CIT: variants seen among roughly 807,000 people sequenced by gnomAD.
CIT encodes citron rho-interacting serine/threonine kinase, also known as citron Rho-interacting kinase.
In CIT, 79 loss-of-function variants were observed where a neutral mutation model predicts 272.7. That is an observed-to-expected ratio of 0.29 (90% CI 0.24 to 0.35). The LOEUF (loss-of-function observed/expected upper bound fraction) is 0.35, where lower values mean the gene tolerates loss of function less well. Among genes scored for constraint, CIT ranks in the 10% least tolerant of loss-of-function variants. The pLI is 1.00. For synonymous variants in CIT, 948 were observed against 995.6 expected (o/e 0.95, Z 0.90); for missense variants, 1,909 against 2,618.3 (o/e 0.73, Z 5.91).
At chr12:119,845,547 G>C (rs538768215) in intron 5 of CIT, among the ~76,000 whole-genome samples, 3 of 151,510 alleles carry the variant, frequency 2.0e-5, no homozygotes, top group African/African-American at 7.3e-5. Context: ...CAGCTACTCA[G>C]GAGGCTGAGG....
At chr12:119,709,458 T>C (rs1957042177) in intron 39 of CIT, among the ~76,000 whole-genome samples, 1 of 152,054 alleles carries the variant, frequency 6.6e-6, no homozygotes, top group Non-Finnish European at 1.5e-5. Context: ...AAAACTGCTC[T>C]AAAGAATAAA....
At chr12:119,785,470 C>T (rs1964696480) in intron 10 of CIT, among the ~76,000 whole-genome samples, 1 of 152,110 alleles carries the variant, frequency 6.6e-6, no homozygotes, top group African/African-American at 2.4e-5. Context: ...CCTCTAGAAG[C>T]TGGAAAAGAC....
intron 10 of CIT, among the ~76,000 whole-genome samples, chr12:119,796,631 G>C (rs1240792261): frequency 6.6e-6 from 1 of 152,144 alleles, no homozygotes; most frequent in African/African-American, 2.4e-5. Context: ...AAAACATCCT[G>C]GTGATGAGGA....
intron 19 of CIT, among the ~76,000 whole-genome samples, chr12:119,764,811 T>G (rs1962221021): frequency 6.6e-6 from 1 of 152,044 alleles, no homozygotes; most frequent in Admixed American, 6.5e-5. Context: ...TTCTTTTTTA[T>G]TTTTTTCTTT....
intron 22 of CIT, among the ~76,000 whole-genome samples, chr12:119,755,399 T>C (rs1960813828): frequency 6.6e-6 from 1 of 152,224 alleles, no homozygotes; most frequent in African/African-American, 2.4e-5. Context: ...AATAAAGACA[T>C]GCATAAACAT....
intron 3 of CIT, among the ~76,000 whole-genome samples, chr12:119,862,807 C>CAAAAAAAAAAAAAAAAAAAAAAAAAA: frequency 7.2e-5 from 1 of 13,980 alleles, no homozygotes; most frequent in Non-Finnish European, 1.1e-4. Context: ...AAGACTCTAC[C>CAAAAAAAAAAAAAAAAAAAAAAAAAA]TAAAAAAAAA....
intron 17 of CIT, among the ~76,000 whole-genome samples, 161 bp from the exon 18 acceptor site, chr12:119,771,071 G>A (rs530166474): frequency 6.6e-6 from 1 of 152,302 alleles, no homozygotes; most frequent in African/African-American, 2.4e-5. Flanking sequence ...CTATAATCTA[G>A]GTACTCAGTT....
chr12:119,734,471 C>A (rs556926612), intron 25 of CIT, 114 bp from the exon 26 acceptor site: 15 of 1,154,000 alleles, frequency 1.3e-5, no homozygotes, highest in East Asian at 1.0e-4. Context: ...GTTTGAAATG[C>A]GGTTTGTCTT....
intron 7 of CIT, among the ~76,000 whole-genome samples, chr12:119,826,565 T>C (rs568964661): frequency 6.6e-6 from 1 of 152,294 alleles, no homozygotes; most frequent in Non-Finnish European, 1.5e-5. Context: ...CAAAATTATT[T>C]TGACGTTTTA....
At chr12:119,701,235 G>A (rs1195824437) in intron 43 of CIT, among the ~76,000 whole-genome samples, 2 of 93,772 alleles carry the variant, frequency 2.1e-5, no homozygotes, top group Non-Finnish European at 4.1e-5. Context: ...GGAGGGGATG[G>A]GGAGGGGGAG....
At chr12:119,858,517 CAAA>C (rs796452295) in intron 3 of CIT, among the ~76,000 whole-genome samples, 1 of 122,456 alleles carries the variant, frequency 8.2e-6, no homozygotes, top group African/African-American at 3.0e-5. Context: ...ACTCTGTCTC[CAAA>C]AAAAAAAAAA....
chr12:119,712,568 G>T lies in CIT; in HGVS notation c.4684+23C>A, dbSNP rs761164391. 3.1e-6 allele frequency: 5 copies of T among 1,608,808 alleles called. No homozygotes were observed. The highest frequency in any genetic ancestry group is 1.1e-5 in the South Asian group (1 of 90,954). On this transcript the variant is annotated intron_variant, in intron 36 of 47. Coordinates refer to ENST00000392521, the MANE Select transcript of CIT (RefSeq NM_001206999.2). This position sits in a 1 kb window ranked among gnomAD's most constrained non-coding sequence, Gnocchi z 5.2. The stretch of plus-strand genomic sequence containing the variant: ...CCAAGCCCGGCCCACCTCCAGGGCG[G>T]GGCTCCTCCGGCTCCTCCTCACCTG...
In CIT at chr12:119,803,307, T is replaced by G; in HGVS notation, c.1194A>C (p.Ser398=). 1 of 1,609,268 alleles carries G rather than the reference T, an allele frequency of 6.2e-7. No homozygotes were observed. The highest frequency in any genetic ancestry group is 8.5e-7 in the Non-Finnish European group (1 of 1,177,838). ...FDEPEKNSWV[S]SSPCQLSPSG... ...AGGGGCTCAGCTGGCACGGAGAGGATGAAACCCACGAATTCTTCTCTGGTT... is the reference window on the plus strand; with the variant it reads ...AGGGGCTCAGCTGGCACGGAGAGGAGGAAACCCACGAATTCTTCTCTGGTT... The change falls in exon 10 of 48, where the codon TCA becomes TCC. Residue 398 remains serine (S), a synonymous_variant. Coordinates refer to ENST00000392521, the MANE Select transcript of CIT (RefSeq NM_001206999.2).
At chr12:119,803,869 C>G (rs1025198060) in intron 9 of CIT, among the ~76,000 whole-genome samples, 10 of 152,016 alleles carry the variant, frequency 6.6e-5, no homozygotes, top group African/African-American at 2.4e-4. Context: ...GTGGATTAAC[C>G]GGGATAAGAG....
intron 5 of CIT, among the ~76,000 whole-genome samples, chr12:119,849,806 C>A (rs809238): frequency 5.9e-4 from 90 of 152,128 alleles, no homozygotes; most frequent in African/African-American, 2.0e-3. Context: ...CTGCCTTAGC[C>A]ACCTGAGTAG....
At chr12:119,721,522 T>G (rs892211516) in intron 28 of CIT, 73 bp from the exon 29 acceptor site, 54 of 1,372,184 alleles carry the variant, frequency 3.9e-5, no homozygotes, top group Non-Finnish European at 4.9e-5. Flanking sequence ...TGTTCCTATT[T>G]CAAACTAATT....
At chr12:119,760,888 T>C in intron 20 of CIT, 51 bp downstream of exon 20, 1 of 1,155,368 alleles carries the variant, frequency 8.7e-7, no homozygotes, top group Non-Finnish European at 1.3e-6. Flanking sequence ...ATTCTTGGCA[T>C]ATTTCAAAAA....
At chr12:119,855,024 T>G (rs1167660297) in intron 4 of CIT, among the ~76,000 whole-genome samples, 1 of 152,144 alleles carries the variant, frequency 6.6e-6, no homozygotes, top group Non-Finnish European at 1.5e-5. Context: ...CTTAAGAGGC[T>G]GAGGCGGGAG....
intron 3 of CIT, among the ~76,000 whole-genome samples, chr12:119,862,509 GT>G (rs1446671205): frequency 6.6e-6 from 1 of 151,794 alleles, no homozygotes; most frequent in African/African-American, 2.4e-5. Context: ...AATCCCCAGT[GT>G]AATACTATTA....
Sources: gnomAD v4.1 joint callset for allele counts (sites outside exome capture counted in the v4.1 genomes callset) on GRCh38, gnomAD v4.1.1 for gene constraint, Gnocchi (gnomAD v3.1) non-coding constraint, MANE v1.5 for transcripts, NCBI Gene and HGNC (gene_info 2026-07-23, HGNC 2026-07-21) for gene names.